DST: variants seen among roughly 807,000 people sequenced by gnomAD.
DST encodes dystonin, also known as bullous pemphigoid antigen.
A neutral mutation model predicts 875.2 loss-of-function variants in DST; 253 were observed. The observed-to-expected ratio is 0.29, with a 90% CI of 0.26 to 0.32. The LOEUF (loss-of-function observed/expected upper bound fraction) is 0.32, where lower values mean the gene tolerates loss of function less well. Ranked by LOEUF, DST falls within the 10% of genes least tolerant of loss-of-function variation. DST has a pLI of 1.00. For missense variants in DST, 8,287 were observed against 9,111.6 expected (o/e 0.91, Z 3.68); for synonymous variants, 3,124 against 3,197.1 (o/e 0.98, Z 0.77).
rs7766565 is a variant in DST, at chr6:56,843,895, T to G, written c.625+7502A>C. On this transcript the variant is annotated intron_variant, in intron 4 of 103. Transcript: ENST00000680361. ...GCCCCCTCCCCAGGCCCGCCCACCCTGGTGGACCGTGCGGCCAAGCACGCC... is the reference window on the plus strand; with the variant it reads ...GCCCCCTCCCCAGGCCCGCCCACCCGGGTGGACCGTGCGGCCAAGCACGCC... The G allele has an allele frequency of 0.2, 32,559 of 159,624 alleles. 3,632 individuals are homozygous for G. The highest frequency in any genetic ancestry group is 0.3 in the African/African-American group (12,080 of 40,100). The allele number at this position is 159,624 out of a possible 1,614,324, so 9.9% of individuals were successfully genotyped here.
intron 2 of DST, among the ~76,000 whole-genome samples, chr6:56,948,958 A>C (rs1821010785): frequency 6.6e-6 from 1 of 152,224 alleles, no homozygotes; most frequent in Admixed American, 6.5e-5. Flanking sequence ...ATAATACAAA[A>C]TCTAAGTATC....
At position 56,927,866 on chromosome 6, in the gene DST, C is replaced by T. The variant is rs191224442; in HGVS notation, c.216+25919G>A. On this transcript the variant is annotated intron_variant, in intron 2 of 103. Coordinates refer to ENST00000680361, the MANE Select transcript of DST (RefSeq NM_001374736.1). ...GGACTAGAACAGCAAAACTAGGACA[C>T]TGAGCAACCTGCAGACCATAAATGC... Among the ~76,000 whole-genome samples, 329 of 152,312 alleles carry T rather than the reference C, an allele frequency of 2.2e-3. 1 individual carries two copies. Among genetic ancestry groups the T allele is most frequent in the Non-Finnish European group, 3.0e-3 (206 of 68,026 alleles).
In DST at chr6:56,470,276, G is replaced by A. The variant is rs747750267; in HGVS notation, c.22328C>T (p.Pro7443Leu). 1 of 1,597,010 alleles carries A rather than the reference G, an allele frequency of 6.3e-7. No individual in the cohort carries two copies. Among genetic ancestry groups the A allele is most frequent in the South Asian group, 1.1e-5 (1 of 88,280 alleles). Reference protein sequence around the residue: ...FIDGILSSKFPTSRLEMSAVA... With the variant: ...FIDGILSSKFLTSRLEMSAVA... ...TGCGCTCATCTCCAAGCGACTGGTTGGAAACTCTAAAATTTTGAAAACAAT... is the reference window on the plus strand; with the variant it reads ...TGCGCTCATCTCCAAGCGACTGGTTAGAAACTCTAAAATTTTGAAAACAAT... Residue 7443 changes from proline (P) to leucine (L), a missense_variant, in exon 96 of 104, where the codon CCA becomes CTA. Pro to Leu is a moderately conservative substitution (Grantham distance 98). Coordinates refer to ENST00000680361, the MANE Select transcript of DST (RefSeq NM_001374736.1).
At chr6:56,834,370 G>A (rs1382976189) in intron 4 of DST, among the ~76,000 whole-genome samples, 13 of 152,268 alleles carry the variant, frequency 8.5e-5, no homozygotes, top group African/African-American at 2.6e-4. Flanking sequence ...AGGCCAAGGC[G>A]GGCAGATCAC....
chr6:56,857,975 T>C (rs897756857), intron 3 of DST, among the ~76,000 whole-genome samples: 3 of 152,236 alleles, frequency 2.0e-5, no homozygotes, highest in Non-Finnish European at 4.4e-5. Flanking sequence ...GTGCTTGCTT[T>C]AGTTAATAAT....
intron 9 of DST, among the ~76,000 whole-genome samples, chr6:56,691,954 G>A (rs923245126): frequency 3.9e-5 from 6 of 152,100 alleles, no homozygotes; most frequent in South Asian, 2.1e-4. Flanking sequence ...TCAGCAAGTC[G>A]GTATTGACTG....
At position 56,634,834 on chromosome 6, in the gene DST, C is replaced by G; in HGVS notation, c.3306G>C (p.Pro1102=). The change falls in exon 25 of 104, where the codon CCG becomes CCC. Residue 1102 remains proline, a synonymous_variant. Transcript: ENST00000680361. ...NSDCPLKTSI[P]IKAICDYRQI... is the part of the protein sequence containing the mutation. The stretch of plus-strand genomic sequence containing the variant: ...GTCTGTAGTCACAGATAGCTTTGAT[C>G]GGAATAGAAGTTTTGAGTGGACAGT... The G allele has an allele frequency of 6.2e-7, 1 of 1,613,998 alleles. No individual in the cohort carries two copies. Among genetic ancestry groups the G allele is most frequent in the Non-Finnish European group, 8.5e-7 (1 of 1,179,984 alleles).
chr6:56,505,538 T>C (rs2152466455), intron 77 of DST, among the ~76,000 whole-genome samples: 1 of 151,090 alleles, frequency 6.6e-6, no homozygotes, highest in Non-Finnish European at 1.5e-5. Flanking sequence ...TGTAGTAAAA[T>C]CTTTCATATA....
At chr6:56,776,738 T>G (rs2099680008) in intron 4 of DST, among the ~76,000 whole-genome samples, 1 of 152,152 alleles carries the variant, frequency 6.6e-6, no homozygotes, top group African/African-American at 2.4e-5. Context: ...TAAAAAATAT[T>G]GTTAAAAAGG....
chr6:56,575,056 C>A lies in DST; in HGVS notation c.13028-1169G>T, dbSNP rs953592480. Among the ~76,000 whole-genome samples, 24 of 152,148 alleles carry A rather than the reference C, an allele frequency of 1.6e-4. 1 individual carries two copies. Among genetic ancestry groups the A allele is most frequent in the Non-Finnish European group, 1.5e-5 (1 of 68,024 alleles). ...AGTTTGGATGATTTAAAGAGAAAAT[C>A]ATGCTCCTCTTACTAAAACTCAATG... On this transcript the variant is annotated intron_variant, in intron 50 of 103. Transcript: ENST00000680361.
intron 85 of DST, among the ~76,000 whole-genome samples, chr6:56,490,799 C>T (rs761647524): frequency 7.9e-5 from 12 of 152,106 alleles, no homozygotes; most frequent in Non-Finnish European, 1.6e-4. Context: ...ATGATACAAA[C>T]GCACAAGTTC....
At chr6:56,547,402 G>A (rs750166838) in intron 61 of DST, among the ~76,000 whole-genome samples, 8 of 152,110 alleles carry the variant, frequency 5.3e-5, no homozygotes, top group Non-Finnish European at 8.8e-5. Flanking sequence ...TAAAAGCCAT[G>A]CATCTAGTTA....
intron 36 of DST, chr6:56,619,548 C>G: frequency 1.9e-6 from 3 of 1,613,638 alleles, no homozygotes; most frequent in Non-Finnish European, 1.7e-6. Flanking sequence ...TTCTCAGCTA[C>G]AGCATGTGCC....
chr6:56,634,473 G>A lies in DST; in HGVS notation c.3483C>T (p.Asp1161=). Residue 1161 remains aspartate (D), a synonymous_variant, in exon 26 of 104, where the codon GAC becomes GAT. Coordinates refer to ENST00000680361, the MANE Select transcript of DST (RefSeq NM_001374736.1). The part of the protein sequence containing the change: ...TVPPPNKEAV[D]LANRIEQQYQ... The stretch of plus-strand genomic sequence containing the variant: ...TAATATATACAAACCTGTTGGCAAG[G>A]TCCACCGCTTCTTTGTTTGGTGGAG... 6.2e-7 allele frequency: 1 copy of A among 1,614,128 alleles called. No individual in the cohort carries two copies. The highest frequency in any genetic ancestry group is 8.5e-7 in the Non-Finnish European group (1 of 1,180,018).
Position 56,572,812 on chromosome 6 carries a change from T to G in DST, c.13489A>C (p.Thr4497Pro). The change falls in exon 52 of 104, where the codon ACT becomes CCT. Residue 4497 changes from threonine (T) to proline (P), a missense_variant. Coordinates refer to ENST00000680361, the MANE Select transcript of DST (RefSeq NM_001374736.1). ...ACATCTACTTCAGTAAGAGCCTGAGTTTTTGTTTCTAAAAATGTCTGGAGC... is the reference window on the plus strand; with the variant it reads ...ACATCTACTTCAGTAAGAGCCTGAGGTTTTGTTTCTAAAAATGTCTGGAGC... ...EKLQTFLETK[T>P]QALTEVDVPG... 6.2e-7 allele frequency: 1 copy of G among 1,610,796 alleles called. No homozygotes were observed. The highest frequency in any genetic ancestry group is 1.3e-5 in the African/African-American group (1 of 74,766).
chr6:56,568,435 T>C, intron 55 of DST, 34 bp downstream of exon 55: 1 of 1,577,044 alleles, frequency 6.3e-7, no homozygotes. Context: ...ACCTGATTCT[T>C]AGTTTTTGCC....
intron 36 of DST, chr6:56,616,984 T>A (rs2098632420): frequency 6.2e-7 from 1 of 1,609,702 alleles, no homozygotes; most frequent in Admixed American, 1.7e-5. Context: ...TTTTGTCTAT[T>A]ATGATTCTCT....
chr6:56,934,550 A>ATATATTATAT (rs1202931290), intron 2 of DST, among the ~76,000 whole-genome samples: 3 of 116,756 alleles, frequency 2.6e-5, no homozygotes, highest in African/African-American at 1.0e-4. Context: ...TATACATATT[A>ATATATTATAT]TATATTATAT....
At chr6:56,808,739 T>C (rs1480326579) in intron 4 of DST, among the ~76,000 whole-genome samples, 1 of 152,224 alleles carries the variant, frequency 6.6e-6, no homozygotes, top group Non-Finnish European at 1.5e-5. Flanking sequence ...TGCAGTAAGA[T>C]TCAATTGAGA....
Sources: allele counts gnomAD v4.1 joint callset (sites outside exome capture counted in the v4.1 genomes callset), GRCh38; gene constraint gnomAD v4.1.1; transcripts MANE v1.5; gene names NCBI Gene and HGNC (gene_info 2026-07-23, HGNC 2026-07-21).